The following FMN2 variants were observed in gnomAD, a reference collection of about 807,000 sequenced individuals.
FMN2 encodes the protein formin 2.
A neutral mutation model predicts 142.3 loss-of-function variants in FMN2; 51 were observed. That is an observed-to-expected ratio of 0.36 (90% CI 0.29 to 0.45). The LOEUF (loss-of-function observed/expected upper bound fraction) is 0.45. Ranked by LOEUF, FMN2 falls within the 20% of genes least tolerant of loss-of-function variation. FMN2 has a pLI of 1.00. For synonymous variants in FMN2, 882 were observed against 869.8 expected (o/e 1.01, Z -0.25); for missense variants, 1,936 against 2,122.8 (o/e 0.91, Z 1.73).
At chr1:240,263,532 C>T (rs1668697795) in intron 7 of FMN2, among the ~76,000 whole-genome samples, 1 of 152,122 alleles carries the variant, frequency 6.6e-6, no homozygotes, top group African/African-American at 2.4e-5. Context: ...TTAATTTCAC[C>T]ATTGAAAGCC....
At chr1:240,236,642 G>A (rs1572101341) in intron 6 of FMN2, among the ~76,000 whole-genome samples, 1 of 152,290 alleles carries the variant, frequency 6.6e-6, no homozygotes, top group East Asian at 1.9e-4. Flanking sequence ...GATGTCACAT[G>A]GTGAGAGAGG....
chr1:240,160,214 C>T (rs936828684), intron 2 of FMN2, among the ~76,000 whole-genome samples: 3 of 150,308 alleles, frequency 2.0e-5, no homozygotes, highest in Non-Finnish European at 4.4e-5. Context: ...TTTATGAGGC[C>T]AAAATTTCCC....
chr1:240,451,853 C>T (rs1173632656), intron 16 of FMN2, among the ~76,000 whole-genome samples: 2 of 151,982 alleles, frequency 1.3e-5, no homozygotes, highest in Admixed American at 6.6e-5. Flanking sequence ...TATTTTAGCA[C>T]TATTAATATT....
At chr1:240,344,883 G>T (rs1671858114) in intron 13 of FMN2, among the ~76,000 whole-genome samples, 1 of 152,084 alleles carries the variant, frequency 6.6e-6, no homozygotes, top group Admixed American at 6.6e-5. Context: ...ACAAATGTTT[G>T]CTTTTAAAGC....
At chr1:240,414,792 G>A (rs866636235) in intron 15 of FMN2, among the ~76,000 whole-genome samples, 2 of 152,120 alleles carry the variant, frequency 1.3e-5, no homozygotes, top group African/African-American at 4.8e-5. Context: ...GTACTTGTAA[G>A]CTTATAAAAA....
intron 6 of FMN2, among the ~76,000 whole-genome samples, chr1:240,214,972 G>A (rs1235431945): frequency 6.6e-6 from 1 of 151,978 alleles, no homozygotes; most frequent in Non-Finnish European, 1.5e-5. Context: ...AAGCTGAGAT[G>A]GGAAGATCAT....
In FMN2 at chr1:240,159,933, T is replaced by C. The variant is rs12133315; in HGVS notation, c.1783-17988T>C. Among the ~76,000 whole-genome samples, 239 of 68,704 alleles carry C rather than the reference T, an allele frequency of 3.5e-3. 1 individual carries two copies. Among genetic ancestry groups the C allele is most frequent in the Non-Finnish European group, 6.0e-3 (192 of 31,840 alleles). The allele number at this position is 68,704 out of a possible 152,430, so 45.1% of individuals were successfully genotyped here. ...TATATATATATATATATATATATAT[T>C]TGTGTATATATATATATCTATATCT... On this transcript the variant is annotated intron_variant, in intron 2 of 17. Transcript: ENST00000319653.
At chr1:240,241,837 T>C in intron 6 of FMN2, among the ~76,000 whole-genome samples, 2 of 54,310 alleles carry the variant, frequency 3.7e-5, no homozygotes, top group South Asian at 1.2e-3. Flanking sequence ...TTTTTTTTTT[T>C]TTTTTTTTTT....
chr1:240,118,105 G>A (rs1474978830), intron 1 of FMN2, among the ~76,000 whole-genome samples: 1 of 152,106 alleles, frequency 6.6e-6, no homozygotes, highest in Non-Finnish European at 1.5e-5. Flanking sequence ...TGTTTGAGGA[G>A]GAGAAGGCCA....
chr1:240,189,022 C>G (rs143242568), intron 4 of FMN2, among the ~76,000 whole-genome samples: 1 of 152,234 alleles, frequency 6.6e-6, no homozygotes, highest in African/African-American at 2.4e-5. Context: ...CCCACCAGGT[C>G]CCTCCCACAA....
chr1:240,435,912 C>A, intron 15 of FMN2, among the ~76,000 whole-genome samples: 1 of 152,112 alleles, frequency 6.6e-6, no homozygotes, highest in East Asian at 1.9e-4. Flanking sequence ...AAGACCAGAG[C>A]AATGATGAAA....
chr1:240,388,675 A>G (rs1673495009), intron 14 of FMN2, among the ~76,000 whole-genome samples: 1 of 152,040 alleles, frequency 6.6e-6, no homozygotes. Context: ...CAGCCTGACC[A>G]ATATGATGAA....
chr1:240,143,987 C>G (rs1361864764), intron 2 of FMN2: 2 of 1,319,814 alleles, frequency 1.5e-6, no homozygotes, highest in Non-Finnish European at 2.2e-6. Flanking sequence ...TGAAAGCAGT[C>G]CCAGAGCAGG....
At chr1:240,323,761 C>A (rs552142612) in intron 8 of FMN2, among the ~76,000 whole-genome samples, 1 of 152,216 alleles carries the variant, frequency 6.6e-6, no homozygotes, top group African/African-American at 2.4e-5. Context: ...TTCTCCTCAT[C>A]CTCCTTCCTG....
intron 2 of FMN2, among the ~76,000 whole-genome samples, chr1:240,166,847 C>T (rs549917188): frequency 3.1e-4 from 47 of 152,208 alleles, no homozygotes; most frequent in South Asian, 4.1e-4. Flanking sequence ...GTTGACTGGG[C>T]GCAGCGGCTC....
At chr1:240,232,057 ATTCTTTTTCTTT>A (rs962729645) in intron 6 of FMN2, among the ~76,000 whole-genome samples, 1 of 151,910 alleles carries the variant, frequency 6.6e-6, no homozygotes, top group African/African-American at 2.4e-5. Context: ...CCATTTGCTC[ATTCTTTTTCTTT>A]TTCTTTTTTA....
At chr1:240,257,766 A>G (rs75099561) in intron 6 of FMN2, among the ~76,000 whole-genome samples, 179 bp from the exon 7 acceptor site, 1 of 152,148 alleles carries the variant, frequency 6.6e-6, no homozygotes, top group East Asian at 1.9e-4. Flanking sequence ...TTGAAGATTT[A>G]TGATATAAAA....
At chr1:240,123,399 AGCTACGATGTGTATCT>A in intron 2 of FMN2, 54 bp downstream of exon 2, 1 of 1,566,150 alleles carries the variant, frequency 6.4e-7, no homozygotes. Context: ...TGGAAATAGC[AGCTACGATGTGTATCT>A]GCCCAGTCAC....
At chr1:240,390,230 C>G (rs1673558961) in intron 14 of FMN2, among the ~76,000 whole-genome samples, 1 of 152,144 alleles carries the variant, frequency 6.6e-6, no homozygotes. Flanking sequence ...CCGTTAGCTT[C>G]AAAACTATGT....
Sources: allele counts gnomAD v4.1 joint callset (sites outside exome capture counted in the v4.1 genomes callset), GRCh38; gene constraint gnomAD v4.1.1; transcripts MANE v1.5; gene names NCBI Gene and HGNC (gene_info 2026-07-23, HGNC 2026-07-21).